HS6ST3: variants seen among roughly 807,000 people sequenced by gnomAD.
The protein encoded by HS6ST3 is heparan-sulfate 6-O-sulfotransferase 3.
A neutral mutation model predicts 36.7 loss-of-function variants in HS6ST3; 12 were observed. The ratio of observed to expected loss-of-function variants is 0.33; its 90% CI spans 0.21 to 0.53. HS6ST3 has a LOEUF of 0.53. Among genes scored for constraint, HS6ST3 ranks in the 20% least tolerant of loss-of-function variants. HS6ST3 has a pLI of 0.95. For missense variants in HS6ST3, 584 were observed against 640.9 expected (o/e 0.91, Z 0.96); for synonymous variants, 240 against 257.5 (o/e 0.93, Z 0.65).
At chr13:96,806,915 C>G (rs1448270059) in intron 1 of HS6ST3, among the ~76,000 whole-genome samples, 1 of 152,158 alleles carries the variant, frequency 6.6e-6, no homozygotes, top group Non-Finnish European at 1.5e-5. Flanking sequence ...TAGATCTCCT[C>G]TTTTATGGCC....
At chr13:96,258,880 A>G (rs2054650717) in intron 1 of HS6ST3, among the ~76,000 whole-genome samples, 1 of 152,210 alleles carries the variant, frequency 6.6e-6, no homozygotes, top group Non-Finnish European at 1.5e-5. Flanking sequence ...ATAGATTAAA[A>G]GAGAATTACA....
rs556207073 is a variant in HS6ST3 at position 96,789,441 on chromosome 13, C to T, written c.708-43049C>T. ...TAGATCCAATGGTTGATGGCTCAAT[C>T]GTTCATATTTAAAGAATAACATGAG... is the stretch of plus-strand genomic sequence containing the variant. On this transcript the variant is annotated intron_variant, in intron 1 of 1. Coordinates refer to ENST00000376705, the MANE Select transcript of HS6ST3 (RefSeq NM_153456.4). Among the ~76,000 whole-genome samples the T allele has an allele frequency of 5.3e-5, 8 of 151,868 alleles. No homozygotes were observed. In the South Asian group the frequency reaches 1.0e-3, roughly 20 times the overall value.
At chr13:96,708,561 A>G (rs1043726604) in intron 1 of HS6ST3, among the ~76,000 whole-genome samples, 4 of 152,090 alleles carry the variant, frequency 2.6e-5, no homozygotes, top group Non-Finnish European at 5.9e-5. Context: ...TTCCCTCCTC[A>G]TAGAGCCTCT....
At chr13:96,685,775 G>A (rs368470078) in intron 1 of HS6ST3, among the ~76,000 whole-genome samples, 4 of 152,046 alleles carry the variant, frequency 2.6e-5, no homozygotes, top group Admixed American at 6.6e-5. Flanking sequence ...TCTCATTCCC[G>A]TTTTCCTTCA....
At chr13:96,699,482 G>A (rs1384767058) in intron 1 of HS6ST3, among the ~76,000 whole-genome samples, 2 of 152,114 alleles carry the variant, frequency 1.3e-5, no homozygotes, top group African/African-American at 4.8e-5. Flanking sequence ...TGCAGCCAAC[G>A]GACACATGAA....
intron 1 of HS6ST3, among the ~76,000 whole-genome samples, chr13:96,116,149 C>T (rs1001950614): frequency 1.3e-5 from 2 of 152,186 alleles, no homozygotes; most frequent in Non-Finnish European, 2.9e-5. Context: ...TCATAAGAAC[C>T]TGGTCAGCTT....
intron 1 of HS6ST3, among the ~76,000 whole-genome samples, chr13:96,643,977 G>C (rs1266926133): frequency 1.3e-5 from 2 of 151,866 alleles, no homozygotes; most frequent in Admixed American, 1.3e-4. Flanking sequence ...TTAATGGCTA[G>C]AGTTATAAAA....
chr13:96,241,291 C>T (rs1363421063), intron 1 of HS6ST3, among the ~76,000 whole-genome samples: 1 of 152,046 alleles, frequency 6.6e-6, no homozygotes, highest in African/African-American at 2.4e-5. Flanking sequence ...TAATACAACT[C>T]CTTCCATTTC....
intron 1 of HS6ST3, among the ~76,000 whole-genome samples, chr13:96,333,017 T>G (rs944890735): frequency 6.6e-6 from 1 of 152,192 alleles, no homozygotes; most frequent in Non-Finnish European, 1.5e-5. Flanking sequence ...AGACACCAAA[T>G]TTACTGGCAC....
intron 1 of HS6ST3, among the ~76,000 whole-genome samples, chr13:96,282,728 C>T (rs1594742264): frequency 6.6e-6 from 1 of 152,244 alleles, no homozygotes; most frequent in East Asian, 1.9e-4. Flanking sequence ...TACACTGTCT[C>T]ATGATGCAGT....
At chr13:96,655,895 T>C (rs2056622932) in intron 1 of HS6ST3, among the ~76,000 whole-genome samples, 1 of 152,092 alleles carries the variant, frequency 6.6e-6, no homozygotes, top group South Asian at 2.1e-4. Flanking sequence ...TGGAAGGAGA[T>C]TGTGCATCTC....
intron 1 of HS6ST3, among the ~76,000 whole-genome samples, chr13:96,664,106 A>C (rs559259068): frequency 6.6e-6 from 1 of 152,286 alleles, no homozygotes; most frequent in East Asian, 1.9e-4. Context: ...CTACAAATGC[A>C]ATAGGTAAAT....
rs559346124 is a variant in HS6ST3 at position 96,449,666 on chromosome 13, C to A, written c.707+358097C>A. Among the ~76,000 whole-genome samples, 3 of 152,276 alleles carry A rather than the reference C, an allele frequency of 2.0e-5. No individual in the cohort carries two copies. In the South Asian group the frequency reaches 6.2e-4, roughly 32 times the overall value. ...GTGCATATGTAAATGTACATATTCA[C>A]ATATATGTGTATAACTCTATATCTA... On this transcript the variant is annotated intron_variant, in intron 1 of 1. Transcript: ENST00000376705.
Position 96,655,486 on chromosome 13 carries a change from G to A in HS6ST3, c.708-177004G>A, listed in dbSNP as rs534918832. Among the ~76,000 whole-genome samples the A allele has an allele frequency of 5.3e-5, 8 of 152,092 alleles. No homozygotes were observed. In the South Asian group the frequency reaches 1.0e-3, roughly 20 times the overall value. ...GTCAAATGGAGGATTGCTGATTATC[G>A]TTTAAGTCTTTTCATTTGTATCTAT... On this transcript the variant is annotated intron_variant, in intron 1 of 1. Transcript: ENST00000376705.
At chr13:96,595,427 T>C (rs2056397826) in intron 1 of HS6ST3, among the ~76,000 whole-genome samples, 1 of 151,474 alleles carries the variant, frequency 6.6e-6, no homozygotes, top group Non-Finnish European at 1.5e-5. Flanking sequence ...TTATATGTTA[T>C]TTTTTTTTCT....
chr13:96,153,167 G>T (rs2054095305), intron 1 of HS6ST3, among the ~76,000 whole-genome samples: 2 of 152,112 alleles, frequency 1.3e-5, no homozygotes, highest in Non-Finnish European at 2.9e-5. Context: ...TAAAGCCCTT[G>T]AAGACAGCGT....
intron 1 of HS6ST3, among the ~76,000 whole-genome samples, chr13:96,829,301 C>T (rs547903614): frequency 6.6e-6 from 1 of 151,746 alleles, no homozygotes; most frequent in East Asian, 1.9e-4. Context: ...CCCAACTGCT[C>T]CAACTTTTTT....
chr13:96,291,101 T>C (rs2054827600), intron 1 of HS6ST3, among the ~76,000 whole-genome samples: 1 of 152,190 alleles, frequency 6.6e-6, no homozygotes, highest in Non-Finnish European at 1.5e-5. Context: ...TCCTGCCCAT[T>C]TTTTCTTTTA....
chr13:96,601,217 C>T (rs560029872), intron 1 of HS6ST3, among the ~76,000 whole-genome samples: 15 of 152,142 alleles, frequency 9.9e-5, no homozygotes, highest in Non-Finnish European at 1.9e-4. Context: ...AAATCTCTAG[C>T]AAGCCCAAGA....
Sources: allele counts gnomAD v4.1 joint callset (sites outside exome capture counted in the v4.1 genomes callset), GRCh38; gene constraint gnomAD v4.1.1; transcripts MANE v1.5; gene names NCBI Gene and HGNC (gene_info 2026-07-23, HGNC 2026-07-21).